PCDHGA1: variants seen among roughly 807,000 people sequenced by gnomAD.
The protein encoded by PCDHGA1 is protocadherin gamma subfamily A, 1, also known as protocadherin gamma-A1.
Under a neutral mutation model 58.0 loss-of-function variants are expected in PCDHGA1, and 32 were observed. The observed-to-expected ratio is 0.55, with a 90% CI of 0.42 to 0.74. PCDHGA1 has a LOEUF of 0.74. PCDHGA1 is among the 30% of genes least tolerant of loss of function. The pLI is 0.00. For synonymous variants in PCDHGA1, 498 were observed against 501.1 expected (o/e 0.99, Z 0.08); for missense variants, 1,205 against 1,182.3 (o/e 1.02, Z -0.28).
chr5:141,339,214 C>A (rs1315555686), intron 1 of PCDHGA1: 1 of 1,614,066 alleles, frequency 6.2e-7, no homozygotes. Context: ...ACCCGCGAAG[C>A]GGCAGCTTGG....
chr5:141,382,913 C>T (rs1778570973), intron 1 of PCDHGA1: 1 of 1,553,116 alleles, frequency 6.4e-7, no homozygotes, highest in Admixed American at 2.0e-5. Flanking sequence ...GCGGCTCAGC[C>T]GAGGGGCGGG....
chr5:141,333,221 T>C, intron 1 of PCDHGA1, 116 bp downstream of exon 1: 1 of 1,469,710 alleles, frequency 6.8e-7, no homozygotes, highest in South Asian at 1.3e-5. Context: ...CTTTGTAGCT[T>C]TTTATTACAA....
chr5:141,352,202 C>G (rs147767080), intron 1 of PCDHGA1: 33,214 of 1,613,996 alleles, frequency 0.021, 406 homozygotes, highest in Non-Finnish European at 0.026. Context: ...TGGAGGACAG[C>G]CGCCACTCTC....
At position 141,477,379 on chromosome 5, in the gene PCDHGA1, A is replaced by T; in HGVS notation, c.2422-17428A>T. Reference sequence around the variant, plus strand: ...CAGACCTGGATCGGGAGACTGTGCCAGAATACAACCTCAGCATCACCGCCC... The same window carrying T: ...CAGACCTGGATCGGGAGACTGTGCCTGAATACAACCTCAGCATCACCGCCC... On this transcript the variant is annotated intron_variant, in intron 1 of 3. Transcript: ENST00000517417. The surrounding 1 kb of genome is among the most constrained non-coding windows in gnomAD (Gnocchi z 4.9). 1.2e-6 allele frequency: 2 copies of T among 1,614,184 alleles called. No individual in the cohort carries two copies. The highest frequency in any genetic ancestry group is 1.7e-6 in the Non-Finnish European group (2 of 1,180,034).
chr5:141,494,937 G>C (rs759078748), intron 2 of PCDHGA1, 72 bp downstream of exon 2: 1 of 1,612,276 alleles, frequency 6.2e-7, no homozygotes, highest in African/African-American at 1.3e-5. Flanking sequence ...GAGGAGATGG[G>C]GGAGGGCCCA....
At chr5:141,437,013 A>G (rs570721163) in intron 1 of PCDHGA1, among the ~76,000 whole-genome samples, 146 of 152,354 alleles carry the variant, frequency 9.6e-4, no homozygotes, top group Non-Finnish European at 1.2e-3. Flanking sequence ...ATCTTAGATA[A>G]TTTCACCAGA....
chr5:141,354,595 C>A (rs1353149588), intron 1 of PCDHGA1, among the ~76,000 whole-genome samples: 1 of 152,234 alleles, frequency 6.6e-6, no homozygotes, highest in African/African-American at 2.4e-5. Context: ...TAAAGCCAGA[C>A]CTCCAAGTTC....
chr5:141,349,519 G>A (rs1036044358), intron 1 of PCDHGA1, among the ~76,000 whole-genome samples: 37 of 152,042 alleles, frequency 2.4e-4, no homozygotes, highest in Non-Finnish European at 5.1e-4. Flanking sequence ...TACTTAACTG[G>A]AAAGATTATC....
Position 141,477,554 on chromosome 5 carries a change from A to T in PCDHGA1, c.2422-17253A>T. The T allele has an allele frequency of 6.2e-7, 1 of 1,614,112 alleles. No homozygotes were observed. Among genetic ancestry groups the T allele is most frequent in the South Asian group, 1.1e-5 (1 of 91,086 alleles). Reference sequence around the variant, plus strand: ...CCCCGGGGCTCCAATACTAAACCTAAGTGTCTGGGACCCCGACGCCCCGCA... The same window carrying T: ...CCCCGGGGCTCCAATACTAAACCTATGTGTCTGGGACCCCGACGCCCCGCA... On this transcript the variant is annotated intron_variant, in intron 1 of 3. Transcript: ENST00000517417. This position sits in a 1 kb window ranked among gnomAD's most constrained non-coding sequence, Gnocchi z 4.9.
At chr5:141,479,241 G>A (rs2099490987) in intron 1 of PCDHGA1, 1 of 152,174 alleles carries the variant, frequency 6.6e-6, no homozygotes, top group Non-Finnish European at 1.5e-5. Context: ...CAAACCCAAA[G>A]ATAACCATTT....
At chr5:141,365,669 G>C (rs1304025932) in intron 1 of PCDHGA1, 1 of 1,613,344 alleles carries the variant, frequency 6.2e-7, no homozygotes, top group Admixed American at 1.7e-5. Flanking sequence ...AGACGTTAAT[G>C]ACAACCCACC....
chr5:141,350,698 G>A, intron 1 of PCDHGA1: 1 of 1,613,916 alleles, frequency 6.2e-7, no homozygotes, highest in South Asian at 1.1e-5. Flanking sequence ...CCTTACCCGG[G>A]GTAAAATTCT....
chr5:141,463,086 GC>G (rs1171354311), intron 1 of PCDHGA1, among the ~76,000 whole-genome samples: 1 of 152,098 alleles, frequency 6.6e-6, no homozygotes, highest in African/African-American at 2.4e-5. Context: ...ACATTTTCCA[GC>G]CCTATGTGAC....
At chr5:141,381,012 AC>A (rs1776931879) in intron 1 of PCDHGA1, among the ~76,000 whole-genome samples, 1 of 152,354 alleles carries the variant, frequency 6.6e-6, no homozygotes, top group South Asian at 2.1e-4. Context: ...CATCTATAAT[AC>A]CTCTATTAGT....
chr5:141,332,497 T>G lies in PCDHGA1; in HGVS notation c.1813T>G (p.Ser605Ala), dbSNP rs1365708420. ...DRDSGQNAWL[S>A]YRLLKASEPG... The stretch of plus-strand genomic sequence containing the variant: ...AGACTCGGGCCAGAACGCCTGGCTG[T>G]CCTACCGCCTGCTCAAGGCCAGCGA... The change falls in exon 1 of 4, where the codon TCC becomes GCC. Residue 605 changes from serine (S) to alanine (A), a missense_variant. Coordinates refer to ENST00000517417, the MANE Select transcript of PCDHGA1 (RefSeq NM_018912.3). This position sits in a 1 kb window ranked among gnomAD's most constrained non-coding sequence, Gnocchi z 4.6. 5.6e-6 allele frequency: 9 copies of G among 1,612,482 alleles called. No homozygotes were observed. Among genetic ancestry groups the G allele is most frequent in the African/African-American group, 2.7e-5 (2 of 74,666 alleles).
rs1427881816 is a variant in PCDHGA1 at position 141,486,740 on chromosome 5, T to C, written c.2422-8067T>C. ...AGGAGCTGTTCATGCTACTCGATCC[T>C]TTGACTATGAGCAAACCCAGACACT... On this transcript the variant is annotated intron_variant, in intron 1 of 3. Coordinates refer to ENST00000517417, the MANE Select transcript of PCDHGA1 (RefSeq NM_018912.3). The surrounding 1 kb of genome is among the most constrained non-coding windows in gnomAD (Gnocchi z 5.0). 6.2e-7 allele frequency: 1 copy of C among 1,614,234 alleles called. No homozygotes were observed. Among genetic ancestry groups the C allele is most frequent in the Admixed American group, 1.7e-5 (1 of 60,026 alleles).
At chr5:141,454,311 T>C (rs755771201) in intron 1 of PCDHGA1, among the ~76,000 whole-genome samples, 1 of 152,216 alleles carries the variant, frequency 6.6e-6, no homozygotes, top group Non-Finnish European at 1.5e-5. Context: ...TTTCAAAGCA[T>C]TGAAACCTCC....
intron 1 of PCDHGA1, chr5:141,404,714 G>A: frequency 3.1e-6 from 5 of 1,614,068 alleles, no homozygotes; most frequent in Non-Finnish European, 4.2e-6. Flanking sequence ...TGGCTACCTG[G>A]TGACCAAGGT....
chr5:141,366,149 C>T lies in PCDHGA1; in HGVS notation c.2421+33044C>T, dbSNP rs532159175. The stretch of plus-strand genomic sequence containing the variant: ...AGGCCAGAACGCCTGGCTGTCCTAC[C>T]GCCTGCTTAAGGCCAGCGAGCCAGG... On this transcript the variant is annotated intron_variant, in intron 1 of 3. Transcript: ENST00000517417. 9.9e-6 allele frequency: 16 copies of T among 1,614,042 alleles called. No homozygotes were observed. In the South Asian group the frequency reaches 1.5e-4, roughly 16 times the overall value.
Sources: gnomAD v4.1 joint callset for allele counts (sites outside exome capture counted in the v4.1 genomes callset) on GRCh38, gnomAD v4.1.1 for gene constraint, Gnocchi (gnomAD v3.1) non-coding constraint, MANE v1.5 for transcripts, NCBI Gene and HGNC (gene_info 2026-07-23, HGNC 2026-07-21) for gene names.